The following ANOS1 variants were observed in gnomAD, a reference collection of about 807,000 sequenced individuals.
ANOS1 encodes anosmin-1.
ANOS1 carries 6 observed loss-of-function variants against 59.0 expected under a neutral mutation model. That is an observed-to-expected ratio of 0.10 (90% CI 0.06 to 0.20). The LOEUF (loss-of-function observed/expected upper bound fraction) is 0.20. Among genes scored for constraint, ANOS1 ranks in the 10% least tolerant of loss-of-function variants. ANOS1 has a pLI of 1.00. For synonymous variants in ANOS1, 217 were observed against 223.4 expected (o/e 0.97, Z 0.25); for missense variants, 433 against 542.3 (o/e 0.80, Z 2.00).
At chrX:8,549,390 C>T (rs1262603616) in intron 9 of ANOS1, among the ~76,000 whole-genome samples, 1 of 112,441 alleles carries the variant, frequency 8.9e-6, no homozygotes, top group African/African-American at 3.2e-5. Context: ...GGTCATATTA[C>T]TGCTTGCTGA....
intron 1 of ANOS1, among the ~76,000 whole-genome samples, chrX:8,727,544 T>A (rs775287460): frequency 1.8e-5 from 2 of 112,421 alleles, no homozygotes; most frequent in Non-Finnish European, 3.8e-5. Flanking sequence ...GAGCTGCCCA[T>A]CTGCTGGGGG....
At chrX:8,718,344 G>A (rs1932853553) in intron 1 of ANOS1, among the ~76,000 whole-genome samples, 1 of 110,894 alleles carries the variant, frequency 9.0e-6, no homozygotes, top group Admixed American at 9.6e-5. Context: ...ATACAGGCGT[G>A]AGCTACCATG....
chrX:8,562,480 A>G (rs1269586585), intron 8 of ANOS1, among the ~76,000 whole-genome samples: 1 of 105,241 alleles, frequency 9.5e-6, no homozygotes, highest in African/African-American at 3.4e-5. Context: ...GGAATATCAT[A>G]TCTACAATAT....
At chrX:8,622,737 C>T (rs1931314437) in intron 3 of ANOS1, among the ~76,000 whole-genome samples, 2 of 112,300 alleles carry the variant, frequency 1.8e-5, no homozygotes, top group Non-Finnish European at 3.8e-5. Flanking sequence ...GGCCTTGTGT[C>T]TGGTTACTTC....
At chrX:8,580,924 G>A (rs1484049026) in intron 6 of ANOS1, among the ~76,000 whole-genome samples, 1 of 111,836 alleles carries the variant, frequency 8.9e-6, no homozygotes, top group Non-Finnish European at 1.9e-5. Flanking sequence ...CTTGGAAGTG[G>A]TGACTGTTTT....
At chrX:8,579,287 G>A (rs188212224) in intron 6 of ANOS1, among the ~76,000 whole-genome samples, 2 of 111,678 alleles carry the variant, frequency 1.8e-5, no homozygotes, top group Non-Finnish European at 3.8e-5. Context: ...CTCTCTGTTG[G>A]TTAGACATTA....
intron 3 of ANOS1, among the ~76,000 whole-genome samples, chrX:8,604,865 T>A (rs1423030301): frequency 8.9e-6 from 1 of 112,718 alleles, no homozygotes; most frequent in East Asian, 2.8e-4. Context: ...CTGAAGTCAG[T>A]GACATCAAAA....
intron 11 of ANOS1, 106 bp from the exon 12 acceptor site, chrX:8,535,917 T>G (rs181357954): frequency 3.3e-6 from 2 of 612,757 alleles, no homozygotes; most frequent in East Asian, 6.8e-5. Context: ...ATGATATTAA[T>G]AGAAGCAATG....
intron 2 of ANOS1, among the ~76,000 whole-genome samples, chrX:8,678,139 G>T (rs376971456): frequency 1.8e-5 from 2 of 112,102 alleles, no homozygotes; most frequent in East Asian, 5.6e-4. Flanking sequence ...CCAAGGCAAA[G>T]AAACTTTTAA....
chrX:8,658,164 T>C (rs1931965838), intron 2 of ANOS1, among the ~76,000 whole-genome samples: 1 of 111,986 alleles, frequency 8.9e-6, no homozygotes, highest in Non-Finnish European at 1.9e-5. Flanking sequence ...GCAAGCACCA[T>C]GGAAGGGACA....
intron 8 of ANOS1, among the ~76,000 whole-genome samples, chrX:8,556,131 C>T (rs549920171): frequency 3.8e-4 from 42 of 111,932 alleles, no homozygotes; most frequent in South Asian, 1.5e-3. Flanking sequence ...AATTCAGCAC[C>T]GCTTCATGCC....
chrX:8,597,501 C>T (rs1930761204), intron 3 of ANOS1, among the ~76,000 whole-genome samples: 1 of 110,329 alleles, frequency 9.1e-6, no homozygotes, highest in South Asian at 3.9e-4. Flanking sequence ...TGTATATGCG[C>T]CCACGTTCAC....
At chrX:8,722,801 C>G in intron 1 of ANOS1, among the ~76,000 whole-genome samples, 1 of 112,693 alleles carries the variant, frequency 8.9e-6, no homozygotes, top group Non-Finnish European at 1.9e-5. Flanking sequence ...CACTGTTTTA[C>G]TAGTTTACAT....
intron 1 of ANOS1, among the ~76,000 whole-genome samples, chrX:8,726,572 T>C (rs888931700): frequency 4.5e-5 from 5 of 112,332 alleles, no homozygotes; most frequent in Non-Finnish European, 9.4e-5. Context: ...CCCTACTGTT[T>C]TGAGCCTCCA....
chrX:8,657,126 C>T (rs908417011), intron 2 of ANOS1, among the ~76,000 whole-genome samples: 6 of 112,644 alleles, frequency 5.3e-5, no homozygotes, highest in Non-Finnish European at 7.5e-5. Context: ...ATCATGCCTA[C>T]GGCATGAAGC....
intron 2 of ANOS1, among the ~76,000 whole-genome samples, chrX:8,660,812 G>A (rs1447838753): frequency 1.8e-5 from 2 of 111,310 alleles, no homozygotes; most frequent in African/African-American, 6.5e-5. Flanking sequence ...CCCAGAGAGT[G>A]CTACAAGCCG....
chrX:8,662,407 G>A (rs1450842240), intron 2 of ANOS1, among the ~76,000 whole-genome samples: 8 of 111,376 alleles, frequency 7.2e-5, no homozygotes, highest in Admixed American at 3.8e-4. Flanking sequence ...TTTCATCTTC[G>A]CGGGCCATGC....
intron 2 of ANOS1, among the ~76,000 whole-genome samples, chrX:8,632,686 G>A (rs1219413712): frequency 9.1e-6 from 1 of 110,001 alleles, no homozygotes; most frequent in Non-Finnish European, 1.9e-5. Flanking sequence ...AGTATTTTCT[G>A]TTGAATAATT....
chrX:8,569,455 A>T (rs1930182615), intron 7 of ANOS1, among the ~76,000 whole-genome samples: 1 of 112,003 alleles, frequency 8.9e-6, no homozygotes, highest in Non-Finnish European at 1.9e-5. Flanking sequence ...ATCCTGGCTA[A>T]CATGGTGAAA....
Sources: allele counts gnomAD v4.1 joint callset (sites outside exome capture counted in the v4.1 genomes callset), GRCh38; gene constraint gnomAD v4.1.1; transcripts MANE v1.5; gene names NCBI Gene and HGNC (gene_info 2026-07-23, HGNC 2026-07-21).